Variants in ADCY8 observed in about 807,000 individuals in gnomAD.
The protein encoded by ADCY8 is adenylate cyclase type 8.
In ADCY8, 51 loss-of-function variants were observed where a neutral mutation model predicts 119.7. The ratio of observed to expected loss-of-function variants is 0.43; its 90% CI spans 0.34 to 0.54. The LOEUF is 0.54. Among genes scored for constraint, ADCY8 ranks in the 20% least tolerant of loss-of-function variants. The probability of loss-of-function intolerance (pLI) is 0.03; values close to 1 mark genes in which losing one functional copy is unlikely to be tolerated. For synonymous variants in ADCY8, 665 were observed against 651.0 expected (o/e 1.02, Z -0.33); for missense variants, 1,383 against 1,598.8 (o/e 0.87, Z 2.30).
chr8:130,961,910 G>A (rs973504990), intron 2 of ADCY8, among the ~76,000 whole-genome samples: 1 of 152,164 alleles, frequency 6.6e-6, no homozygotes, highest in South Asian at 2.1e-4. Flanking sequence ...AGGAGTTCAA[G>A]GCTGCAGCGA....
chr8:130,808,201 A>G (rs1024889762), intron 14 of ADCY8, among the ~76,000 whole-genome samples: 1 of 152,092 alleles, frequency 6.6e-6, no homozygotes, highest in African/African-American at 2.4e-5. Context: ...CCACAGAAAC[A>G]CATGTTTCAG....
chr8:130,852,171 A>G (rs1817551958), intron 9 of ADCY8, among the ~76,000 whole-genome samples: 1 of 152,166 alleles, frequency 6.6e-6, no homozygotes, highest in African/African-American at 2.4e-5. Context: ...AGTAACCAAG[A>G]ATGTCAATTT....
chr8:130,997,281 G>A (rs774453376), intron 1 of ADCY8, among the ~76,000 whole-genome samples: 177 of 151,756 alleles, frequency 1.2e-3, no homozygotes, highest in Non-Finnish European at 2.0e-3. Flanking sequence ...AAATAAGTAC[G>A]TAAGTCTGCA....
At chr8:130,846,552 CTTCA>C (rs572054743) in intron 11 of ADCY8, among the ~76,000 whole-genome samples, 36 of 124,300 alleles carry the variant, frequency 2.9e-4, no homozygotes, top group Admixed American at 4.6e-4. Context: ...TCCTTCATTC[CTTCA>C]TTCCTTCCTT....
chr8:130,922,357 C>A (rs1246875355), intron 5 of ADCY8, among the ~76,000 whole-genome samples: 13 of 151,334 alleles, frequency 8.6e-5, no homozygotes, highest in Non-Finnish European at 1.5e-5. Context: ...GACCCTGCGG[C>A]CTTCCGCAGT....
intron 7 of ADCY8, among the ~76,000 whole-genome samples, chr8:130,888,713 T>C (rs1402997205): frequency 2.0e-5 from 3 of 152,142 alleles, no homozygotes; most frequent in East Asian, 1.9e-4. Flanking sequence ...TAGCCCTTTG[T>C]AAATTGCATT....
At chr8:130,916,910 T>C (rs1820147337) in intron 5 of ADCY8, among the ~76,000 whole-genome samples, 1 of 152,192 alleles carries the variant, frequency 6.6e-6, no homozygotes, top group Non-Finnish European at 1.5e-5. Context: ...CACACCTCTA[T>C]ATTTCTGTGT....
chr8:131,032,378 A>G (rs955262511), intron 1 of ADCY8, among the ~76,000 whole-genome samples: 1 of 152,242 alleles, frequency 6.6e-6, no homozygotes, highest in Non-Finnish European at 1.5e-5. Context: ...AAAGTATTTC[A>G]TATATTAAAA....
intron 7 of ADCY8, among the ~76,000 whole-genome samples, chr8:130,898,866 C>T (rs73346450): frequency 0.013 from 1,945 of 152,250 alleles, 44 homozygotes; most frequent in African/African-American, 0.045. Context: ...CTACTCTTGT[C>T]CCGACAGTCC....
At chr8:130,992,377 T>TATATATATATATATGAGCAACTGTGC (rs1563758935) in intron 1 of ADCY8, among the ~76,000 whole-genome samples, 2 of 122,968 alleles carry the variant, frequency 1.6e-5, no homozygotes, top group African/African-American at 6.8e-5. Flanking sequence ...AGCAACTGTA[T>TATATATATATATATGAGCAACTGTGC]CTGGCATATA....
chr8:131,034,311 T>TA (rs1824083515), intron 1 of ADCY8, among the ~76,000 whole-genome samples: 1 of 152,056 alleles, frequency 6.6e-6, no homozygotes, highest in Admixed American at 6.6e-5. Flanking sequence ...AGTTGGTAAT[T>TA]TTATTATATT....
At chr8:130,962,283 A>G (rs531024800) in intron 2 of ADCY8, among the ~76,000 whole-genome samples, 56 of 152,222 alleles carry the variant, frequency 3.7e-4, no homozygotes, top group African/African-American at 1.3e-3. Flanking sequence ...CTGAAAACAC[A>G]CTCTGAAATA....
At chr8:130,953,308 C>T (rs533953562) in intron 2 of ADCY8, among the ~76,000 whole-genome samples, 5 of 152,272 alleles carry the variant, frequency 3.3e-5, no homozygotes, top group Admixed American at 6.5e-5. Context: ...AAGACAGGCA[C>T]GTTCTAATCA....
At chr8:130,946,265 C>T (rs1326055256) in intron 3 of ADCY8, among the ~76,000 whole-genome samples, 1 of 152,202 alleles carries the variant, frequency 6.6e-6, no homozygotes, top group East Asian at 1.9e-4. Context: ...ATAAAGCTCA[C>T]AGCCTATTGA....
chr8:130,914,230 G>T (rs1476212817), intron 5 of ADCY8, among the ~76,000 whole-genome samples: 2 of 152,124 alleles, frequency 1.3e-5, no homozygotes, highest in Non-Finnish European at 2.9e-5. Flanking sequence ...GTAAAATAAG[G>T]CACTACCTGA....
chr8:130,911,574 A>G (rs894885251), intron 5 of ADCY8, among the ~76,000 whole-genome samples: 44 of 144,902 alleles, frequency 3.0e-4, no homozygotes, highest in Non-Finnish European at 5.5e-4. Flanking sequence ...GAAAGCAGAA[A>G]AGTCTAAATT....
intron 4 of ADCY8, among the ~76,000 whole-genome samples, chr8:130,937,601 T>C (rs1820826725): frequency 6.6e-6 from 1 of 152,210 alleles, no homozygotes; most frequent in Admixed American, 6.5e-5. Context: ...TTCATCAGTC[T>C]TTAGCTTAAT....
chr8:130,929,020 T>C (rs138777110), intron 5 of ADCY8, among the ~76,000 whole-genome samples: 2 of 152,258 alleles, frequency 1.3e-5, no homozygotes, highest in African/African-American at 2.4e-5. Context: ...TTCTGGTAGA[T>C]TGCATGCATC....
intron 9 of ADCY8, among the ~76,000 whole-genome samples, chr8:130,866,485 T>C (rs1165102186): frequency 6.6e-6 from 1 of 152,188 alleles, no homozygotes; most frequent in East Asian, 1.9e-4. Flanking sequence ...TCTACTATAT[T>C]CTTGCACAAG....
Sources: allele counts gnomAD v4.1 joint callset (sites outside exome capture counted in the v4.1 genomes callset), GRCh38; gene constraint gnomAD v4.1.1; transcripts MANE v1.5; gene names NCBI Gene and HGNC (gene_info 2026-07-23, HGNC 2026-07-21).